The following ALK variants were observed in gnomAD, a reference collection of about 807,000 sequenced individuals.
The protein encoded by ALK is ALK tyrosine kinase receptor.
Under a neutral mutation model 163.1 loss-of-function variants are expected in ALK, and 74 were observed. The ratio of observed to expected loss-of-function variants is 0.45; its 90% CI spans 0.38 to 0.55. ALK has a LOEUF of 0.55. Ranked by LOEUF, ALK falls within the 20% of genes least tolerant of loss-of-function variation. The probability of loss-of-function intolerance (pLI) is 0.00; values close to 1 mark genes in which losing one functional copy is unlikely to be tolerated. For synonymous variants in ALK, 960 were observed against 843.2 expected, an observed-to-expected ratio of 1.14 and a Z score of -2.40; for missense variants, 2,063 against 2,105.3, an observed-to-expected ratio of 0.98 and a Z score of 0.39.
At chr2:29,799,802 G>A (rs914600799) in intron 1 of ALK, among the ~76,000 whole-genome samples, 1 of 152,100 alleles carries the variant, frequency 6.6e-6, no homozygotes, top group Non-Finnish European at 1.5e-5. Context: ...ATGAGAAAAA[G>A]GCATACTGTA....
chr2:29,540,201 C>T (rs1194428855), intron 3 of ALK, among the ~76,000 whole-genome samples: 1 of 152,108 alleles, frequency 6.6e-6, no homozygotes, highest in African/African-American at 2.4e-5. Flanking sequence ...CTTTTCTACA[C>T]AGTTTCTTTA....
intron 5 of ALK, among the ~76,000 whole-genome samples, chr2:29,359,862 C>T (rs139791944): frequency 7.7e-4 from 117 of 152,284 alleles, no homozygotes; most frequent in African/African-American, 2.6e-3. Context: ...TTTGGTGGTG[C>T]CTAAGACTTT....
At chr2:29,519,586 C>T (rs1662998127) in intron 4 of ALK, among the ~76,000 whole-genome samples, 1 of 152,218 alleles carries the variant, frequency 6.6e-6, no homozygotes, top group South Asian at 2.1e-4. Context: ...GCCACCACCT[C>T]CTGGAACCCT....
intron 6 of ALK, among the ~76,000 whole-genome samples, chr2:29,324,590 A>G (rs1361684331): frequency 6.6e-6 from 1 of 152,212 alleles, no homozygotes; most frequent in Non-Finnish European, 1.5e-5. Context: ...AGATGAGATT[A>G]TCAAGTCCAT....
chr2:29,272,506 G>A (rs1057233893), intron 11 of ALK, among the ~76,000 whole-genome samples: 1 of 152,170 alleles, frequency 6.6e-6, no homozygotes, highest in African/African-American at 2.4e-5. Context: ...CATCAGAAGG[G>A]AGGGCTGCTG....
At chr2:29,610,720 C>T (rs73921123) in intron 3 of ALK, among the ~76,000 whole-genome samples, 1,881 of 152,254 alleles carry the variant, frequency 0.012, 41 homozygotes, top group African/African-American at 0.043. Context: ...ACAAATGTTA[C>T]TCTGTATCTC....
intron 1 of ALK, among the ~76,000 whole-genome samples, chr2:29,878,326 A>C (rs1285615157): frequency 5.9e-5 from 9 of 152,212 alleles, no homozygotes; most frequent in African/African-American, 1.9e-4. Context: ...TTGATTGAAA[A>C]TAACGAAAAC....
At chr2:29,332,731 A>G (rs1395023223) in intron 5 of ALK, among the ~76,000 whole-genome samples, 1 of 152,214 alleles carries the variant, frequency 6.6e-6, no homozygotes, top group Non-Finnish European at 1.5e-5. Context: ...AATGGCTACA[A>G]TATTGTGCAA....
chr2:29,335,702 G>A (rs927296323), intron 5 of ALK, among the ~76,000 whole-genome samples: 6 of 152,150 alleles, frequency 3.9e-5, no homozygotes, highest in Non-Finnish European at 7.4e-5. Context: ...TGATGTTCAG[G>A]CCAATGAAAT....
chr2:29,570,945 A>C (rs1398185567), intron 3 of ALK, among the ~76,000 whole-genome samples: 3 of 152,246 alleles, frequency 2.0e-5, no homozygotes, highest in African/African-American at 2.4e-5. Context: ...ACAAATAATA[A>C]AATCTGTTTA....
chr2:29,546,224 T>C (rs1225223904), intron 3 of ALK, among the ~76,000 whole-genome samples: 1 of 152,240 alleles, frequency 6.6e-6, no homozygotes, highest in Non-Finnish European at 1.5e-5. Flanking sequence ...GTGGTTTTTT[T>C]CTTTTACATC....
intron 3 of ALK, among the ~76,000 whole-genome samples, chr2:29,539,126 G>A (rs573524869): frequency 3.1e-4 from 47 of 151,654 alleles, no homozygotes; most frequent in Middle Eastern, 6.8e-3. Context: ...TTTGTGTTTT[G>A]TTTATAGGTT....
intron 4 of ALK, among the ~76,000 whole-genome samples, chr2:29,481,385 G>C (rs929361435): frequency 6.6e-6 from 1 of 152,164 alleles, no homozygotes; most frequent in Non-Finnish European, 1.5e-5. Flanking sequence ...TTATTTTTCA[G>C]TCTTTATCAT....
chr2:29,201,661 TCTGTAATCCCAG>T, intron 26 of ALK, among the ~76,000 whole-genome samples: 1 of 151,954 alleles, frequency 6.6e-6, no homozygotes, highest in Admixed American at 6.5e-5. Context: ...GTAGCACGCG[TCTGTAATCCCAG>T]CTACTTGGGA....
At chr2:29,365,824 G>A (rs1234748244) in intron 5 of ALK, among the ~76,000 whole-genome samples, 1 of 152,166 alleles carries the variant, frequency 6.6e-6, no homozygotes, top group African/African-American at 2.4e-5. Flanking sequence ...TCTCTCTGGT[G>A]ATTATTTTAG....
chr2:29,782,775 C>T lies in ALK; in HGVS notation c.668-65078G>A, dbSNP rs1663869707. On this transcript the variant is annotated intron_variant, in intron 1 of 28. Coordinates refer to ENST00000389048, the MANE Select transcript of ALK (RefSeq NM_004304.5). ...AAAAGCTTCAAATGCCATTATCATT[C>T]CCCAGAGCCAGCCTTCTGTGTGCCT... 2.0e-5 allele frequency among the ~76,000 whole-genome samples: 3 copies of T among 152,174 alleles called. No homozygotes were observed. The South Asian group carries it at 6.2e-4, about 31-fold the overall frequency.
At chr2:29,355,732 C>G (rs531314067) in intron 5 of ALK, among the ~76,000 whole-genome samples, 1 of 152,136 alleles carries the variant, frequency 6.6e-6, no homozygotes, top group Non-Finnish European at 1.5e-5. Context: ...AAACCTAACA[C>G]CCTGAACTCT....
chr2:29,535,239 G>C (rs916710218), intron 3 of ALK, among the ~76,000 whole-genome samples: 28 of 152,214 alleles, frequency 1.8e-4, no homozygotes, highest in African/African-American at 6.5e-4. Flanking sequence ...GCAGATCAAA[G>C]AGCTCTGCTC....
chr2:29,268,836 T>A (rs1424070824), intron 11 of ALK, among the ~76,000 whole-genome samples: 1 of 152,180 alleles, frequency 6.6e-6, no homozygotes, highest in Non-Finnish European at 1.5e-5. Context: ...AGTCACATAA[T>A]CTTTCTGATC....
Sources: gnomAD v4.1 joint callset for allele counts (sites outside exome capture counted in the v4.1 genomes callset) on GRCh38, gnomAD v4.1.1 for gene constraint, MANE v1.5 for transcripts, NCBI Gene and HGNC (gene_info 2026-07-23, HGNC 2026-07-21) for gene names.